Variants in GPC6 observed in about 807,000 individuals in gnomAD.
GPC6 encodes glypican-6.
Under a neutral mutation model 55.2 loss-of-function variants are expected in GPC6, and 14 were observed. The observed-to-expected ratio is 0.25, with a 90% CI of 0.17 to 0.40. The LOEUF is 0.40. GPC6 is among the 10% of genes least tolerant of loss of function. The pLI, the probability that GPC6 is intolerant of heterozygous loss-of-function variation, is 1.00. For missense variants in GPC6, 641 were observed against 708.5 expected (o/e 0.90, Z 1.08); for synonymous variants, 278 against 259.6 (o/e 1.07, Z -0.68).
chr13:93,942,604 G>A (rs550121566), intron 3 of GPC6, among the ~76,000 whole-genome samples: 1 of 152,312 alleles, frequency 6.6e-6, no homozygotes, highest in African/African-American at 2.4e-5. Flanking sequence ...TTACAGGCAT[G>A]AGCCAGTGCA....
chr13:94,322,993 C>T (rs900637110), intron 6 of GPC6, among the ~76,000 whole-genome samples: 1 of 152,004 alleles, frequency 6.6e-6, no homozygotes, highest in Non-Finnish European at 1.5e-5. Context: ...GCATTTATTC[C>T]CTGCCTCAGA....
intron 3 of GPC6, among the ~76,000 whole-genome samples, chr13:93,984,161 T>C (rs762304261): frequency 6.6e-6 from 1 of 152,134 alleles, no homozygotes; most frequent in Non-Finnish European, 1.5e-5. Flanking sequence ...TGCTTGATCT[T>C]AGCTGTCCTG....
At chr13:93,776,005 T>C (rs973956458) in intron 2 of GPC6, among the ~76,000 whole-genome samples, 6 of 151,498 alleles carry the variant, frequency 4.0e-5, no homozygotes, top group African/African-American at 1.5e-4. Flanking sequence ...AACACATGAT[T>C]CGGTTTCATT....
intron 2 of GPC6, among the ~76,000 whole-genome samples, chr13:93,733,952 A>G (rs566478277): frequency 2.0e-4 from 31 of 152,178 alleles, no homozygotes; most frequent in African/African-American, 7.0e-4. Context: ...ATGTTCTTTC[A>G]TTCATGGTCT....
intron 1 of GPC6, among the ~76,000 whole-genome samples, chr13:93,477,220 A>T (rs1277279753): frequency 6.6e-6 from 1 of 152,134 alleles, no homozygotes; most frequent in Non-Finnish European, 1.5e-5. Context: ...CAGATTTTAA[A>T]ATATTTATTT....
intron 2 of GPC6, among the ~76,000 whole-genome samples, chr13:93,827,573 T>G (rs1887309557): frequency 6.6e-6 from 1 of 152,184 alleles, no homozygotes; most frequent in Admixed American, 6.5e-5. Flanking sequence ...ACTTTGACTA[T>G]GAGATCAGTA....
chr13:94,364,889 T>C (rs1350970748), intron 6 of GPC6, among the ~76,000 whole-genome samples: 2 of 152,234 alleles, frequency 1.3e-5, no homozygotes. Context: ...TAAACTTATT[T>C]TGCAAATAAG....
At chr13:93,360,718 T>G (rs1185608316) in intron 1 of GPC6, among the ~76,000 whole-genome samples, 1 of 152,178 alleles carries the variant, frequency 6.6e-6, no homozygotes, top group Non-Finnish European at 1.5e-5. Flanking sequence ...TGATGAGTTA[T>G]CAGTGGATTA....
chr13:93,416,742 T>C (rs1876713598), intron 1 of GPC6, among the ~76,000 whole-genome samples: 2 of 152,226 alleles, frequency 1.3e-5, no homozygotes, highest in South Asian at 4.1e-4. Context: ...TTCTACTCTC[T>C]GTGTCCACTG....
chr13:93,272,060 GTAGT>G (rs1877548298), intron 1 of GPC6, among the ~76,000 whole-genome samples: 1 of 151,934 alleles, frequency 6.6e-6, no homozygotes, highest in African/African-American at 2.4e-5. Flanking sequence ...ATATCAAGAG[GTAGT>G]TAATTTTTTT....
chr13:94,281,105 G>C (rs1019062621), intron 4 of GPC6, among the ~76,000 whole-genome samples: 2 of 152,158 alleles, frequency 1.3e-5, no homozygotes, highest in Non-Finnish European at 1.5e-5. Context: ...ATAGTTATTA[G>C]ATTAAGTTGA....
At chr13:94,287,418 G>C (rs1267453223) in intron 5 of GPC6, among the ~76,000 whole-genome samples, 1 of 152,212 alleles carries the variant, frequency 6.6e-6, no homozygotes, top group Non-Finnish European at 1.5e-5. Context: ...TCACAGAGGA[G>C]GGGACAGGTA....
At chr13:93,487,388 G>C (rs554345518) in intron 1 of GPC6, among the ~76,000 whole-genome samples, 4 of 152,042 alleles carry the variant, frequency 2.6e-5, no homozygotes, top group Admixed American at 6.6e-5. Flanking sequence ...CCCTCAGACA[G>C]GCCCCAATGT....
At chr13:93,933,973 C>T (rs1878304804) in intron 3 of GPC6, among the ~76,000 whole-genome samples, 1 of 152,168 alleles carries the variant, frequency 6.6e-6, no homozygotes, top group Admixed American at 6.5e-5. Flanking sequence ...ATCCCACACA[C>T]GTATCTCAGG....
At chr13:93,676,854 T>G (rs1399125725) in intron 2 of GPC6, among the ~76,000 whole-genome samples, 2 of 151,952 alleles carry the variant, frequency 1.3e-5, no homozygotes, top group African/African-American at 2.4e-5. Flanking sequence ...GGGACAAGTT[T>G]GATAGAATGG....
intron 2 of GPC6, among the ~76,000 whole-genome samples, chr13:93,597,150 T>C (rs1192661465): frequency 6.6e-6 from 1 of 152,148 alleles, no homozygotes; most frequent in Non-Finnish European, 1.5e-5. Context: ...GGGAATCTCC[T>C]GTACTCAATC....
chr13:93,850,792 C>A (rs560553176), intron 3 of GPC6, among the ~76,000 whole-genome samples: 8 of 151,950 alleles, frequency 5.3e-5, no homozygotes, highest in African/African-American at 1.4e-4. Context: ...AACTTAATTT[C>A]TTTTCTCTTT....
At chr13:93,816,879 A>G (rs1886871943) in intron 2 of GPC6, among the ~76,000 whole-genome samples, 1 of 152,148 alleles carries the variant, frequency 6.6e-6, no homozygotes, top group Non-Finnish European at 1.5e-5. Context: ...TTAGCATACT[A>G]TTACGGTATT....
intron 1 of GPC6, among the ~76,000 whole-genome samples, chr13:93,314,769 T>C (rs1566294419): frequency 7.2e-6 from 1 of 139,562 alleles, no homozygotes. Flanking sequence ...ACGCATGTGC[T>C]GAGAAATGAG....
Sources: allele counts gnomAD v4.1 joint callset (sites outside exome capture counted in the v4.1 genomes callset), GRCh38; gene constraint gnomAD v4.1.1; transcripts MANE v1.5; gene names NCBI Gene and HGNC (gene_info 2026-07-23, HGNC 2026-07-21).